Variants in RSRC1 observed in about 807,000 individuals in gnomAD.
RSRC1 encodes serine/Arginine-related protein 53.
Under a neutral mutation model 49.1 loss-of-function variants are expected in RSRC1, and 39 were observed. The observed-to-expected ratio is 0.79, with a 90% CI of 0.61 to 1.04. RSRC1 has a LOEUF of 1.04. Among genes scored for constraint, RSRC1 ranks in the 50% least tolerant of loss-of-function variants. RSRC1 has a pLI of 0.00. For synonymous variants in RSRC1, 143 were observed against 130.8 expected (o/e 1.09, Z -0.63); for missense variants, 388 against 402.4 (o/e 0.96, Z 0.31).
At chr3:158,518,148 A>ATATTTTTTTTTTTT (rs1310027981) in intron 7 of RSRC1, among the ~76,000 whole-genome samples, 4 of 44,136 alleles carry the variant, frequency 9.1e-5, no homozygotes, top group African/African-American at 6.2e-4. Context: ...ATATATATAT[A>ATATTTTTTTTTTTT]TTTTTTTTTT....
Position 158,537,243 on chromosome 3 carries a change from C to T in RSRC1, c.759+45C>T, listed in dbSNP as rs1185207385. 28 of 1,111,376 alleles carry T rather than the reference C, an allele frequency of 2.5e-5. No homozygotes were observed. The Admixed American group carries it at 7.1e-4, about 28-fold the overall frequency. 68.8% of individuals were successfully genotyped at this position (1,111,376 alleles called of 1,614,324 possible). A position where few individuals can be genotyped will look rare whatever the true frequency, so the allele number is the denominator to read the frequency against. ...TTATGAGTAAACCTTTGGATTCTAC[C>T]TGAAGAGATGCTTTATTAATGGATT... On this transcript the variant is annotated intron_variant, in intron 8 of 9. Transcript: ENST00000611884.
intron 4 of RSRC1, among the ~76,000 whole-genome samples, chr3:158,210,078 T>C (rs1016042353): frequency 2.6e-5 from 4 of 152,112 alleles, no homozygotes; most frequent in African/African-American, 9.7e-5. Context: ...AGTTACATAC[T>C]TATAGAGTCT....
intron 4 of RSRC1, among the ~76,000 whole-genome samples, chr3:158,274,776 G>C (rs1330959728): frequency 6.6e-6 from 1 of 152,150 alleles, no homozygotes; most frequent in Non-Finnish European, 1.5e-5. Flanking sequence ...CCAACTTTGT[G>C]GAATGGTAAG....
At chr3:158,123,241 A>G (rs1320003242) in intron 2 of RSRC1, among the ~76,000 whole-genome samples, 1 of 152,196 alleles carries the variant, frequency 6.6e-6, no homozygotes, top group Non-Finnish European at 1.5e-5. Context: ...TCCTGACCTC[A>G]GGTGATCTGC....
In RSRC1 at chr3:158,269,747, G is replaced by A. The variant is rs144960068; in HGVS notation, c.495-28292G>A. ...AGGATGGTCTTGATCTCTTGACCTCGTGATCTGCCTGCCTTGGCCTCCCAA... is the reference window on the plus strand; with the variant it reads ...AGGATGGTCTTGATCTCTTGACCTCATGATCTGCCTGCCTTGGCCTCCCAA... On this transcript the variant is annotated intron_variant, in intron 4 of 9. Coordinates refer to ENST00000611884, the MANE Select transcript of RSRC1 (RefSeq NM_001271838.2). 3.7e-4 allele frequency among the ~76,000 whole-genome samples: 56 copies of A among 152,162 alleles called. No individual in the cohort carries two copies. The East Asian group carries it at 9.9e-3, about 27-fold the overall frequency.
chr3:158,264,048 G>A (rs183259712), intron 4 of RSRC1, among the ~76,000 whole-genome samples: 2 of 151,956 alleles, frequency 1.3e-5, no homozygotes, highest in Non-Finnish European at 2.9e-5. Flanking sequence ...TTTCCACTTT[G>A]AACTGTTTTA....
rs141410568 is a variant in RSRC1, at chr3:158,528,564, A to G, written c.653-8528A>G. 2.0e-4 allele frequency among the ~76,000 whole-genome samples: 30 copies of G among 152,036 alleles called. No individual in the cohort carries two copies. In the East Asian group the frequency reaches 4.1e-3, roughly 21 times the overall value. The stretch of plus-strand genomic sequence containing the variant: ...AGTTGTGTGTGGTTATGGGGTGTTT[A>G]GAGATGGCTGGCAGACAGCATTCAC... On this transcript the variant is annotated intron_variant, in intron 7 of 9. Coordinates refer to ENST00000611884, the MANE Select transcript of RSRC1 (RefSeq NM_001271838.2).
intron 4 of RSRC1, among the ~76,000 whole-genome samples, chr3:158,244,480 C>A (rs559589552): frequency 6.6e-6 from 1 of 152,062 alleles, no homozygotes; most frequent in Non-Finnish European, 1.5e-5. Context: ...CCTGCTTGAT[C>A]GTGGTGGATA....
intron 7 of RSRC1, among the ~76,000 whole-genome samples, chr3:158,467,592 T>C (rs1352550206): frequency 6.6e-6 from 1 of 152,194 alleles, no homozygotes; most frequent in Admixed American, 6.5e-5. Context: ...ATGAAAGATA[T>C]GGTTCTCTGT....
intron 5 of RSRC1, among the ~76,000 whole-genome samples, chr3:158,311,388 T>G (rs1012848595): frequency 5.9e-5 from 9 of 151,994 alleles, no homozygotes; most frequent in African/African-American, 1.7e-4. Context: ...AAATATTTAT[T>G]ATGAATAGAT....
rs147280424 is a variant in RSRC1, at chr3:158,331,327, G to A, written c.532-23530G>A. On this transcript the variant is annotated intron_variant, in intron 5 of 9. Coordinates refer to ENST00000611884, the MANE Select transcript of RSRC1 (RefSeq NM_001271838.2). ...GAGCTTGACTAGTAGTCTTTTGTGC[G>A]TGTGAGTTTCTTATGCTTTTTTGTT... is the stretch of plus-strand genomic sequence containing the variant. Among the ~76,000 whole-genome samples the A allele has an allele frequency of 1.2e-3, 178 of 152,324 alleles. 2 individuals carry two copies. Among genetic ancestry groups the A allele is most frequent in the African/African-American group, 4.0e-3 (166 of 41,566 alleles).
rs559961985 is a variant in RSRC1, at chr3:158,319,968, T to TA, written c.531+21894dup. On this transcript the variant is annotated intron_variant, in intron 5 of 9. Transcript: ENST00000611884. ...TTATAGTTTCAAAAGACTACTGGTA[T>TA]AGCAGGAATTTTAACACTTGTTAAT... Among the ~76,000 whole-genome samples the TA allele has an allele frequency of 2.2e-4, 34 of 152,344 alleles. 1 individual carries two copies. The East Asian group carries it at 5.0e-3, about 22-fold the overall frequency.
In RSRC1 at chr3:158,400,189, A is replaced by G. The variant is rs1285446288; in HGVS notation, c.583+45281A>G. Among the ~76,000 whole-genome samples the G allele has an allele frequency of 7.9e-5, 12 of 152,184 alleles. No individual in the cohort carries two copies. In the East Asian group the frequency reaches 1.5e-3, roughly 20 times the overall value. Reference sequence around the variant, plus strand: ...GTTATAATGGAGCTGAAAAATTCCTATGGCCTTTTCATCATAGGTCATAGG... The same window carrying G: ...GTTATAATGGAGCTGAAAAATTCCTGTGGCCTTTTCATCATAGGTCATAGG... On this transcript the variant is annotated intron_variant, in intron 6 of 9. Coordinates refer to ENST00000611884, the MANE Select transcript of RSRC1 (RefSeq NM_001271838.2).
At chr3:158,470,963 A>G (rs1738110820) in intron 7 of RSRC1, among the ~76,000 whole-genome samples, 1 of 152,216 alleles carries the variant, frequency 6.6e-6, no homozygotes, top group Non-Finnish European at 1.5e-5. Flanking sequence ...ACGCAACAAG[A>G]ATCAGCATCC....
Position 158,294,807 on chromosome 3 carries a change from G to A in RSRC1, c.495-3232G>A, listed in dbSNP as rs566238682. Among the ~76,000 whole-genome samples, 3 of 152,244 alleles carry A rather than the reference G, an allele frequency of 2.0e-5. No homozygotes were observed. The South Asian group carries it at 6.2e-4, about 32-fold the overall frequency. On this transcript the variant is annotated intron_variant, in intron 4 of 9. Transcript: ENST00000611884. ...TAATACTACTGTTTTATCTCAGGCA[G>A]CCACTCAGTGTTGCAAATTGCCTTG...
chr3:158,486,586 G>A (rs2196357), intron 7 of RSRC1, among the ~76,000 whole-genome samples: 13,188 of 152,090 alleles, frequency 0.087, 635 homozygotes, highest in South Asian at 0.15. Context: ...ATTGGGGAAT[G>A]CCTTGAGGAA....
chr3:158,425,903 C>T (rs1735403332), intron 6 of RSRC1, among the ~76,000 whole-genome samples: 1 of 151,622 alleles, frequency 6.6e-6, no homozygotes. Flanking sequence ...GAGATTTATC[C>T]TACCAGATAA....
intron 3 of RSRC1, among the ~76,000 whole-genome samples, chr3:158,177,558 C>T (rs538720595): frequency 1.3e-5 from 2 of 151,550 alleles, no homozygotes; most frequent in Admixed American, 6.6e-5. Context: ...AACCAAACAC[C>T]GTATATTCTC....
intron 5 of RSRC1, among the ~76,000 whole-genome samples, chr3:158,305,199 T>C (rs1727770066): frequency 6.6e-6 from 1 of 152,050 alleles, no homozygotes; most frequent in Admixed American, 6.6e-5. Flanking sequence ...TTGTGTGTTT[T>C]ATTATAAGGC....
Sources: gnomAD v4.1 joint callset for allele counts (sites outside exome capture counted in the v4.1 genomes callset) on GRCh38, gnomAD v4.1.1 for gene constraint, MANE v1.5 for transcripts, NCBI Gene and HGNC (gene_info 2026-07-23, HGNC 2026-07-21) for gene names.